Variants in FGFR1OP2 observed in about 807,000 individuals in gnomAD.
The protein encoded by FGFR1OP2 is fibroblast growth factor receptor 1 oncogene partner 2.
FGFR1OP2 carries 17 observed loss-of-function variants against 35.2 expected under a neutral mutation model. The observed-to-expected ratio is 0.48, with a 90% CI of 0.33 to 0.73. The LOEUF is 0.73. Among genes scored for constraint, FGFR1OP2 ranks in the 30% least tolerant of loss-of-function variants. The pLI is 0.02. For synonymous variants in FGFR1OP2, 105 were observed against 104.6 expected (o/e 1.00, Z -0.03); for missense variants, 251 against 307.3 (o/e 0.82, Z 1.37).
intron 2 of FGFR1OP2, 114 bp downstream of exon 2, chr12:26,954,407 G>T: frequency 7.9e-7 from 1 of 1,260,566 alleles, no homozygotes; most frequent in African/African-American, 1.5e-5. Flanking sequence ...TTTTAAAGTA[G>T]CTTGACTTGT....
At chr12:26,955,271 A>G (rs973488281) in intron 2 of FGFR1OP2, among the ~76,000 whole-genome samples, 3 of 152,238 alleles carry the variant, frequency 2.0e-5, no homozygotes, top group Non-Finnish European at 2.9e-5. Flanking sequence ...GCAATTTTAA[A>G]ATAAGATTCT....
chr12:26,964,747 C>G lies in FGFR1OP2; in HGVS notation c.*14C>G, dbSNP rs1421345119. 8 of 1,605,338 alleles carry G rather than the reference C, an allele frequency of 5.0e-6. No homozygotes were observed. In the South Asian group the frequency reaches 8.8e-5, roughly 18 times the overall value. On this transcript the variant is annotated 3_prime_UTR_variant, in exon 7 of 7. Coordinates refer to ENST00000229395, the MANE Select transcript of FGFR1OP2 (RefSeq NM_015633.3). ...AGGAAGAGCTGAAGAGTTTCTGAGT[C>G]TGTGAGCTTCTTACATGGCTCCAAA...
At chr12:26,960,963 A>G (rs1939097496) in intron 5 of FGFR1OP2, 4 of 179,160 alleles carry the variant, frequency 2.2e-5, no homozygotes, top group South Asian at 2.8e-4. Context: ...CATTAATTTT[A>G]AACTGATTTC....
chr12:26,943,652 C>G (rs889632453), intron 1 of FGFR1OP2, among the ~76,000 whole-genome samples: 2 of 152,068 alleles, frequency 1.3e-5, no homozygotes, highest in Non-Finnish European at 2.9e-5. Flanking sequence ...TGACGAAACC[C>G]CATCTCTACT....
At chr12:26,960,430 G>T in intron 4 of FGFR1OP2, 85 bp from the exon 5 acceptor site, 1 of 802,346 alleles carries the variant, frequency 1.2e-6, no homozygotes, top group Non-Finnish European at 1.8e-6. Context: ...TCAAACAGTT[G>T]GCTAACACGC....
intron 1 of FGFR1OP2, among the ~76,000 whole-genome samples, chr12:26,944,707 C>T (rs1474905120): frequency 6.6e-6 from 1 of 152,120 alleles, no homozygotes; most frequent in Admixed American, 6.5e-5. Context: ...ATCAGTAATA[C>T]TGACATCAGT....
intron 1 of FGFR1OP2, among the ~76,000 whole-genome samples, chr12:26,950,213 GTTTTTTTT>G (rs1174799685): frequency 7.7e-4 from 39 of 50,946 alleles, no homozygotes; most frequent in African/African-American, 2.7e-3. Context: ...TGTATTCGTT[GTTTTTTTT>G]TTTTTTTTTT....
intron 3 of FGFR1OP2, among the ~76,000 whole-genome samples, chr12:26,957,033 A>C (rs1018076321): frequency 6.6e-6 from 1 of 152,172 alleles, no homozygotes; most frequent in African/African-American, 2.4e-5. Context: ...TATACTTATT[A>C]CCTTTTACAG....
At chr12:26,949,026 AT>A (rs1360690925) in intron 1 of FGFR1OP2, among the ~76,000 whole-genome samples, 4 of 152,232 alleles carry the variant, frequency 2.6e-5, no homozygotes, top group South Asian at 2.1e-4. Context: ...ACTTAAAAAA[AT>A]AATAATAAAT....
chr12:26,954,087 C>T, intron 1 of FGFR1OP2, 58 bp from the exon 2 acceptor site: 2 of 1,284,926 alleles, frequency 1.6e-6, no homozygotes, highest in East Asian at 2.6e-5. Context: ...TGACATGAAG[C>T]TAAAATAAAG....
chr12:26,948,917 A>G lies in FGFR1OP2; in HGVS notation c.-14-5228A>G, dbSNP rs570332491. Reference sequence around the variant, plus strand: ...TTGCCTGGCATGGTGGCATGCACCTATATAGTCTCAGCTACTCAGGAGACT... The same window carrying G: ...TTGCCTGGCATGGTGGCATGCACCTGTATAGTCTCAGCTACTCAGGAGACT... On this transcript the variant is annotated intron_variant, in intron 1 of 6. Coordinates refer to ENST00000229395, the MANE Select transcript of FGFR1OP2 (RefSeq NM_015633.3). Among the ~76,000 whole-genome samples, 74 of 152,256 alleles carry G rather than the reference A, an allele frequency of 4.9e-4. 2 individuals carry two copies. In the South Asian group the frequency reaches 0.014, roughly 29 times the overall value.
chr12:26,962,868 C>T (rs1308578441), intron 5 of FGFR1OP2: 2 of 152,354 alleles, frequency 1.3e-5, no homozygotes, highest in East Asian at 1.9e-4. Flanking sequence ...GCAGTTCCTG[C>T]TCTCAAAGAG....
At chr12:26,960,692 T>G in intron 5 of FGFR1OP2, 64 bp downstream of exon 5, 1 of 1,536,540 alleles carries the variant, frequency 6.5e-7, no homozygotes, top group Non-Finnish European at 8.8e-7. Context: ...TTAAAAGTGC[T>G]TTTACATTGA....
rs1182882621 is a variant in FGFR1OP2, at chr12:26,965,864, A to G, written c.*1131A>G. On this transcript the variant is annotated 3_prime_UTR_variant, in exon 7 of 7. Coordinates refer to ENST00000229395, the MANE Select transcript of FGFR1OP2 (RefSeq NM_015633.3). Reference sequence around the variant, plus strand: ...GTAATTTTTTTAAAAACCACCAGATACAGAAATGTGCTTTAACATCAGTTG... The same window carrying G: ...GTAATTTTTTTAAAAACCACCAGATGCAGAAATGTGCTTTAACATCAGTTG... The G allele has an allele frequency of 6.6e-6, 1 of 152,094 alleles. No individual in the cohort carries two copies. Among genetic ancestry groups the G allele is most frequent in the African/African-American group, 2.4e-5 (1 of 41,440 alleles). The allele number at this position is 152,094 out of a possible 1,614,324, so 9.4% of individuals were successfully genotyped here. A position where few individuals can be genotyped will look rare whatever the true frequency, so the allele number is the denominator to read the frequency against.
intron 1 of FGFR1OP2, among the ~76,000 whole-genome samples, chr12:26,941,132 A>G (rs941950754): frequency 6.6e-6 from 1 of 151,126 alleles, no homozygotes; most frequent in Non-Finnish European, 1.5e-5. Context: ...AAAGAGATTC[A>G]CCTGTAATTT....
chr12:26,954,404 G>A (rs571282814), intron 2 of FGFR1OP2, 111 bp downstream of exon 2: 2 of 1,295,574 alleles, frequency 1.5e-6, no homozygotes, highest in East Asian at 2.5e-5. Flanking sequence ...AAATTTTAAA[G>A]TAGCTTGACT....
At chr12:26,943,595 C>G (rs1387629222) in intron 1 of FGFR1OP2, among the ~76,000 whole-genome samples, 1 of 152,136 alleles carries the variant, frequency 6.6e-6, no homozygotes, top group Non-Finnish European at 1.5e-5. Context: ...GAAGTCAAGG[C>G]AGGAGGATCA....
intron 1 of FGFR1OP2, among the ~76,000 whole-genome samples, chr12:26,950,980 A>G (rs10842819): frequency 0.073 from 11,092 of 152,224 alleles, 501 homozygotes; most frequent in Non-Finnish European, 0.1. Flanking sequence ...TACTCAAATG[A>G]TAGAAATTTT....
At chr12:26,959,632 C>T (rs1939073704) in intron 4 of FGFR1OP2, among the ~76,000 whole-genome samples, 1 of 152,074 alleles carries the variant, frequency 6.6e-6, no homozygotes, top group Non-Finnish European at 1.5e-5. Context: ...TTAAACATTT[C>T]CTAAGATAGC....
Sources: allele counts gnomAD v4.1 joint callset (sites outside exome capture counted in the v4.1 genomes callset), GRCh38; gene constraint gnomAD v4.1.1; transcripts MANE v1.5; gene names NCBI Gene and HGNC (gene_info 2026-07-23, HGNC 2026-07-21).